The following DLEU7 variants were observed in gnomAD, a reference collection of about 807,000 sequenced individuals.
DLEU7 encodes leukemia-associated protein 7.
A neutral mutation model predicts 16.0 loss-of-function variants in DLEU7; 17 were observed. The ratio of observed to expected loss-of-function variants is 1.06; its 90% CI spans 0.73 to 1.59. DLEU7 has a LOEUF of 1.59. Ranked by LOEUF, DLEU7 falls within the 40% of genes most tolerant of loss-of-function variation. The pLI, the probability that DLEU7 is intolerant of heterozygous loss-of-function variation, is 0.00. For synonymous variants in DLEU7, 113 were observed against 139.8 expected (o/e 0.81, Z 1.35); for missense variants, 308 against 314.9 (o/e 0.98, Z 0.17).
chr13:50,787,342 A>G (rs1875815604), intron 1 of DLEU7, among the ~76,000 whole-genome samples: 1 of 152,228 alleles, frequency 6.6e-6, no homozygotes, highest in African/African-American at 2.4e-5. Flanking sequence ...AAATCAGAAG[A>G]GAAATGAATA....
intron 1 of DLEU7, among the ~76,000 whole-genome samples, chr13:50,813,908 ATAACT>A (rs1876644443): frequency 6.6e-6 from 1 of 152,122 alleles, no homozygotes; most frequent in African/African-American, 2.4e-5. Flanking sequence ...AATGTGGGAA[ATAACT>A]TAAAAGTCAG....
At chr13:50,833,798 G>A (rs1213671182) in intron 1 of DLEU7, among the ~76,000 whole-genome samples, 3 of 152,032 alleles carry the variant, frequency 2.0e-5, no homozygotes, top group Non-Finnish European at 4.4e-5. Context: ...TATACTACAA[G>A]GCTACAGTAA....
intron 1 of DLEU7, among the ~76,000 whole-genome samples, chr13:50,833,955 A>G (rs1340423555): frequency 6.6e-6 from 1 of 152,218 alleles, no homozygotes; most frequent in African/African-American, 2.4e-5. Context: ...TTCCCTATTT[A>G]AAAAATAGTG....
intron 1 of DLEU7, among the ~76,000 whole-genome samples, chr13:50,784,480 T>A (rs545302442): frequency 6.6e-6 from 1 of 152,206 alleles, no homozygotes; most frequent in Non-Finnish European, 1.5e-5. Flanking sequence ...GGAGAAGCAA[T>A]GGGAATTTTC....
chr13:50,735,428 A>G (rs1192857311), intron 1 of DLEU7, among the ~76,000 whole-genome samples: 1 of 152,156 alleles, frequency 6.6e-6, no homozygotes, highest in African/African-American at 2.4e-5. Flanking sequence ...TAAACAATAT[A>G]AAATTGTACC....
At chr13:50,738,600 C>T (rs921377735) in intron 1 of DLEU7, among the ~76,000 whole-genome samples, 2 of 152,052 alleles carry the variant, frequency 1.3e-5, no homozygotes, top group African/African-American at 4.8e-5. Flanking sequence ...TCTTCCCATG[C>T]CAACAAACTC....
Position 50,843,556 on chromosome 13 carries a change from C to G in DLEU7, c.91G>C (p.Gly31Arg). 14 of 1,482,570 alleles carry G rather than the reference C, an allele frequency of 9.4e-6. No homozygotes were observed. Among genetic ancestry groups the G allele is most frequent in the East Asian group, 2.9e-5 (1 of 34,492 alleles). 91.8% of individuals were successfully genotyped at this position (1,482,570 alleles called of 1,614,324 possible). The stretch of plus-strand genomic sequence containing the variant: ...TTCCCGGGGGCGACTGGACCGTCCC[C>G]CCAGCCCCACTCCTGCTGCAGCAGC... The part of the protein sequence containing the change: ...LQLLQQEWGW[G>R]DGPVAPGNPR... The change falls in exon 1 of 2, where the codon GGG becomes CGG. Residue 31 changes from glycine to arginine, a missense_variant. Coordinates refer to ENST00000504404, the MANE Select transcript of DLEU7 (RefSeq NM_001306135.2). The surrounding 1 kb of genome is among the most constrained non-coding windows in gnomAD (Gnocchi z 5.7).
chr13:50,715,793 G>T (rs1449086515), intron 1 of DLEU7, among the ~76,000 whole-genome samples: 1 of 152,236 alleles, frequency 6.6e-6, no homozygotes, highest in Non-Finnish European at 1.5e-5. Context: ...GCCAGATAAT[G>T]CTACCAAATC....
At chr13:50,717,636 G>T (rs80185370) in intron 1 of DLEU7, among the ~76,000 whole-genome samples, 3,931 of 151,376 alleles carry the variant, frequency 0.026, 165 homozygotes, top group African/African-American at 0.086. Flanking sequence ...GGAGCAGGGA[G>T]TCCATAAATC....
intron 1 of DLEU7, among the ~76,000 whole-genome samples, chr13:50,722,967 C>T (rs190089210): frequency 1.3e-5 from 2 of 152,240 alleles, no homozygotes; most frequent in Admixed American, 1.3e-4. Flanking sequence ...TACTTGTACT[C>T]ATTTGCAAAA....
chr13:50,843,277 C>A lies in DLEU7; in HGVS notation c.370G>T (p.Val124Leu), dbSNP rs989288623. The change falls in exon 1 of 2, where the codon GTG becomes TTG. Residue 124 changes from valine to leucine, a missense_variant. By Grantham distance (32) the Val-to-Leu change is conservative. Transcript: ENST00000504404. The surrounding 1 kb of genome is among the most constrained non-coding windows in gnomAD (Gnocchi z 5.7). Reference sequence around the variant, plus strand: ...ACCAGCTCCGAAGTCGAGTCCACCACGCGGGCCAGCGCGCTGCGCATCGCC... The same window carrying A: ...ACCAGCTCCGAAGTCGAGTCCACCAAGCGGGCCAGCGCGCTGCGCATCGCC... ...QMAMRSALAR[V>L]VDSTSELVSV... 14 of 1,575,230 alleles carry A rather than the reference C, an allele frequency of 8.9e-6. No individual in the cohort carries two copies. The highest frequency in any genetic ancestry group is 2.8e-5 in the African/African-American group (2 of 72,040).
chr13:50,818,828 T>A (rs56372676), downstream of DLEU7, among the ~76,000 whole-genome samples: 4,773 of 152,194 alleles, frequency 0.031, 81 homozygotes, highest in South Asian at 0.051. Flanking sequence ...CATGGGCACA[T>A]TGCTTCCTCC....
downstream of DLEU7, chr13:50,711,754 C>G (rs1448399821): frequency 8.3e-6 from 1 of 120,084 alleles, no homozygotes; most frequent in African/African-American, 3.5e-5. Context: ...TTGTTTAACC[C>G]TCACAATGAC....
At chr13:50,785,200 TGGG>T (rs967474181) in intron 1 of DLEU7, among the ~76,000 whole-genome samples, 3 of 152,110 alleles carry the variant, frequency 2.0e-5, no homozygotes, top group Non-Finnish European at 1.5e-5. Context: ...AATGGGCACC[TGGG>T]GTTGGGACAA....
intron 1 of DLEU7, among the ~76,000 whole-genome samples, chr13:50,787,513 A>G (rs1329612070): frequency 6.6e-6 from 1 of 152,058 alleles, no homozygotes; most frequent in Non-Finnish European, 1.5e-5. Flanking sequence ...CACTGGCCAT[A>G]TCAAATCCCT....
chr13:50,762,104 T>C (rs1874951574), intron 1 of DLEU7, among the ~76,000 whole-genome samples: 1 of 147,594 alleles, frequency 6.8e-6, no homozygotes, highest in South Asian at 2.1e-4. Flanking sequence ...AGGCAGAGAA[T>C]TGCTTGAGCC....
chr13:50,781,311 G>C lies in DLEU7; in HGVS notation c.459+61877C>G, dbSNP rs183548087. On this transcript the variant is annotated intron_variant, in intron 1 of 1. Transcript: ENST00000400393. Reference sequence around the variant, plus strand: ...AATGTTTAAAACACACAAAAATAGCGAAGCACATTTGACCAGCCATCAGAG... The same window carrying C: ...AATGTTTAAAACACACAAAAATAGCCAAGCACATTTGACCAGCCATCAGAG... Among the ~76,000 whole-genome samples the C allele has an allele frequency of 2.3e-3, 350 of 152,272 alleles. 2 individuals are homozygous for C. Among genetic ancestry groups the C allele is most frequent in the African/African-American group, 7.9e-3 (327 of 41,554 alleles).
rs1877759982 is a variant in DLEU7, at chr13:50,843,533, C to T, written c.114G>A (p.Gly38=). ...WGWGDGPVAP[G]NPRDPDHVST... is the part of the protein sequence containing the mutation. ...ACACGTGGTCTGGGTCCCGCGGGTT[C>T]CCGGGGGCGACTGGACCGTCCCCCC... The change falls in exon 1 of 2, where the codon GGG becomes GGA. Residue 38 remains glycine, a synonymous_variant. Coordinates refer to ENST00000504404, the MANE Select transcript of DLEU7 (RefSeq NM_001306135.2). The surrounding 1 kb of genome is among the most constrained non-coding windows in gnomAD (Gnocchi z 5.7). The T allele has an allele frequency of 7.0e-7, 1 of 1,437,414 alleles. No homozygotes were observed. Among genetic ancestry groups the T allele is most frequent in the African/African-American group, 1.5e-5 (1 of 66,052 alleles). 89.0% of individuals were successfully genotyped at this position (1,437,414 alleles called of 1,614,324 possible).
chr13:50,754,240 TGAC>T (rs778538251), intron 1 of DLEU7, among the ~76,000 whole-genome samples: 2 of 152,240 alleles, frequency 1.3e-5, no homozygotes, highest in Non-Finnish European at 2.9e-5. Flanking sequence ...GTTTCTGTCT[TGAC>T]GACCTGTCTA....
Sources: gnomAD v4.1 joint callset for allele counts (sites outside exome capture counted in the v4.1 genomes callset) on GRCh38, gnomAD v4.1.1 for gene constraint, Gnocchi (gnomAD v3.1) non-coding constraint, MANE v1.5 for transcripts, NCBI Gene and HGNC (gene_info 2026-07-23, HGNC 2026-07-21) for gene names.